Variants in EYS observed in about 807,000 individuals in gnomAD.
EYS encodes EGF-like photoreceptor maintenance factor.
In EYS, 250 loss-of-function variants were observed where a neutral mutation model predicts 282.1. That is an observed-to-expected ratio of 0.89 (90% CI 0.80 to 0.98). The LOEUF (loss-of-function observed/expected upper bound fraction) is 0.98, where lower values mean the gene tolerates loss of function less well. EYS is among the 50% of genes least tolerant of loss of function. The pLI is 0.00. For synonymous variants in EYS, 1,355 were observed against 1,282.9 expected, an observed-to-expected ratio of 1.06 and a Z score of -1.20; for missense variants, 4,016 against 3,709.0, an observed-to-expected ratio of 1.08 and a Z score of -2.15.
At chr6:65,029,727 C>T (rs763134871) in intron 13 of EYS, among the ~76,000 whole-genome samples, 4 of 152,084 alleles carry the variant, frequency 2.6e-5, no homozygotes, top group Non-Finnish European at 5.9e-5. Context: ...AAGAGCATCT[C>T]CCAGCAAGAG....
chr6:64,228,946 C>T (rs1463391661), intron 31 of EYS, among the ~76,000 whole-genome samples: 1 of 152,036 alleles, frequency 6.6e-6, no homozygotes, highest in Non-Finnish European at 1.5e-5. Flanking sequence ...TAGTGTAATA[C>T]GTGTGTATGA....
chr6:64,984,428 A>T (rs1410987771), intron 14 of EYS, among the ~76,000 whole-genome samples: 3 of 151,498 alleles, frequency 2.0e-5, no homozygotes, highest in Non-Finnish European at 4.4e-5. Flanking sequence ...ATTACTTTTT[A>T]AAAAATTTTA....
Position 65,405,169 on chromosome 6 carries a change from C to G in EYS, c.1056+5G>C. 1 of 1,606,934 alleles carries G rather than the reference C, an allele frequency of 6.2e-7. No homozygotes were observed. Among genetic ancestry groups the G allele is most frequent in the Middle Eastern group, 1.7e-4 (1 of 6,044 alleles). ...CACTCACTTATATGTTAGATTGAGACTTACATTTGATATTTTGATGCAGTC... is the reference window on the plus strand; with the variant it reads ...CACTCACTTATATGTTAGATTGAGAGTTACATTTGATATTTTGATGCAGTC... On this transcript the variant is annotated splice_donor_5th_base_variant and intron_variant, in intron 6 of 42. Transcript: ENST00000503581.
intron 32 of EYS, among the ~76,000 whole-genome samples, chr6:64,078,120 G>T (rs1273175769): frequency 3.3e-5 from 5 of 151,946 alleles, no homozygotes. Flanking sequence ...GCTGACAGTG[G>T]TTTATCAGCC....
chr6:64,112,534 C>T (rs1773239198), intron 31 of EYS, among the ~76,000 whole-genome samples: 1 of 151,568 alleles, frequency 6.6e-6, no homozygotes, highest in Non-Finnish European at 1.5e-5. Flanking sequence ...TTAACATACC[C>T]ACCATCTCAA....
At chr6:65,139,187 C>A (rs530679593) in intron 12 of EYS, among the ~76,000 whole-genome samples, 1 of 152,038 alleles carries the variant, frequency 6.6e-6, no homozygotes, top group East Asian at 1.9e-4. Flanking sequence ...AACCTAGATG[C>A]CCATCAATGG....
chr6:63,883,117 C>T (rs183459705), intron 35 of EYS, among the ~76,000 whole-genome samples: 1 of 152,160 alleles, frequency 6.6e-6, no homozygotes, highest in South Asian at 2.1e-4. Context: ...AGTCACAACA[C>T]CTCCTAGCAT....
intron 22 of EYS, among the ~76,000 whole-genome samples, chr6:64,667,142 AT>A (rs1769260634): frequency 1.3e-5 from 2 of 150,794 alleles, no homozygotes; most frequent in Admixed American, 1.3e-4. Flanking sequence ...GCTTAATGAA[AT>A]GTGTAAGAGC....
rs929783521 is a variant in EYS at position 64,509,612 on chromosome 6, A to G, written c.5645-70260T>C. Among the ~76,000 whole-genome samples the G allele has an allele frequency of 2.6e-5, 4 of 152,130 alleles. No homozygotes were observed. The East Asian group carries it at 7.7e-4, about 29-fold the overall frequency. ...TTTCAATTCTACGGGGTACACATTA[A>G]TGGATATGGTTTGGTGTGCGGTAAT... On this transcript the variant is annotated intron_variant, in intron 26 of 42. Coordinates refer to ENST00000503581, the MANE Select transcript of EYS (RefSeq NM_001142800.2).
intron 12 of EYS, among the ~76,000 whole-genome samples, chr6:65,123,566 T>C (rs566517415): frequency 4.6e-5 from 7 of 152,216 alleles, no homozygotes; most frequent in African/African-American, 1.2e-4. Context: ...CTCAAACCTA[T>C]GAAATAATTG....
chr6:64,735,008 A>G (rs1772136908), intron 22 of EYS, among the ~76,000 whole-genome samples: 1 of 152,176 alleles, frequency 6.6e-6, no homozygotes, highest in South Asian at 2.1e-4. Context: ...TGATTAAGAC[A>G]TAATATGCAC....
intron 35 of EYS, among the ~76,000 whole-genome samples, chr6:63,871,569 G>A (rs921660373): frequency 5.3e-5 from 8 of 152,114 alleles, no homozygotes; most frequent in Non-Finnish European, 8.8e-5. Flanking sequence ...GGCTGAGGTG[G>A]GAGAATCACT....
At chr6:65,271,128 T>TTATATATATATACATATA (rs1767888597) in intron 12 of EYS, among the ~76,000 whole-genome samples, 2 of 55,784 alleles carry the variant, frequency 3.6e-5, no homozygotes. Flanking sequence ...AATCAATAGA[T>TTATATATATATACATATA]TATATATATA....
intron 30 of EYS, among the ~76,000 whole-genome samples, chr6:64,285,128 T>C (rs1279309430): frequency 1.3e-5 from 2 of 152,220 alleles, no homozygotes; most frequent in African/African-American, 2.4e-5. Flanking sequence ...TTGTGAACTT[T>C]TATGCTCTGC....
chr6:65,587,576 T>G (rs554517304), intron 2 of EYS, among the ~76,000 whole-genome samples: 34 of 152,242 alleles, frequency 2.2e-4, no homozygotes, highest in Non-Finnish European at 3.5e-4. Context: ...CCTGCAGATC[T>G]GTGAGTCAAT....
Position 65,167,520 on chromosome 6 carries a change from T to G in EYS, c.2024-109793A>C, listed in dbSNP as rs549577382. Among the ~76,000 whole-genome samples the G allele has an allele frequency of 4.0e-5, 6 of 151,412 alleles. No homozygotes were observed. In the South Asian group the frequency reaches 1.0e-3, roughly 26 times the overall value. ...ATTAAAGATCACTTTCTCTTTGGTTTTCTGCAATTTTGCTATGAAATGCCC... is the reference window on the plus strand; with the variant it reads ...ATTAAAGATCACTTTCTCTTTGGTTGTCTGCAATTTTGCTATGAAATGCCC... On this transcript the variant is annotated intron_variant, in intron 12 of 42. Coordinates refer to ENST00000503581, the MANE Select transcript of EYS (RefSeq NM_001142800.2).
intron 36 of EYS, among the ~76,000 whole-genome samples, chr6:63,810,220 C>T (rs537329177): frequency 1.4e-5 from 2 of 147,780 alleles, no homozygotes; most frequent in African/African-American, 5.0e-5. Context: ...GAGATCGCGC[C>T]ACTGCACTCC....
chr6:63,882,363 G>A (rs189552008), intron 35 of EYS, among the ~76,000 whole-genome samples: 8 of 152,182 alleles, frequency 5.3e-5, no homozygotes, highest in East Asian at 3.9e-4. Flanking sequence ...CTGTCACATC[G>A]CATTTGGTTT....
intron 12 of EYS, among the ~76,000 whole-genome samples, chr6:65,288,607 G>A (rs1369985023): frequency 1.3e-5 from 2 of 150,890 alleles, no homozygotes; most frequent in African/African-American, 4.8e-5. Context: ...TTCAACACAC[G>A]AGAGCTGCTT....
Sources: allele counts gnomAD v4.1 joint callset (sites outside exome capture counted in the v4.1 genomes callset), GRCh38; gene constraint gnomAD v4.1.1; transcripts MANE v1.5; gene names NCBI Gene and HGNC (gene_info 2026-07-23, HGNC 2026-07-21).